IQCM: variants seen among roughly 807,000 people sequenced by gnomAD.
The protein encoded by IQCM is IQ motif containing M, also known as IQ domain-containing protein M.
In IQCM, 45 loss-of-function variants were observed where a neutral mutation model predicts 57.6. The observed-to-expected ratio is 0.78, with a 90% CI of 0.62 to 1.00. The LOEUF (loss-of-function observed/expected upper bound fraction) is 1.00, where lower values mean the gene tolerates loss of function less well. IQCM is among the 50% of genes least tolerant of loss of function. The pLI is 0.00. For synonymous variants in IQCM, 148 were observed against 158.9 expected, an observed-to-expected ratio of 0.93 and a Z score of 0.51; for missense variants, 468 against 511.6, an observed-to-expected ratio of 0.91 and a Z score of 0.82.
intron 8 of IQCM, among the ~76,000 whole-genome samples, chr4:149,595,305 T>C (rs1214146070): frequency 6.6e-6 from 1 of 152,150 alleles, no homozygotes; most frequent in East Asian, 1.9e-4. Context: ...TTCCATTTGC[T>C]TGGTAGATCT....
intron 2 of IQCM, among the ~76,000 whole-genome samples, chr4:149,790,919 G>T (rs558799840): frequency 6.6e-6 from 1 of 151,518 alleles, no homozygotes; most frequent in South Asian, 2.1e-4. Context: ...TTGTTTTACT[G>T]CCCTTGTAGT....
chr4:149,546,888 C>T (rs542265365), intron 12 of IQCM, among the ~76,000 whole-genome samples: 1 of 152,212 alleles, frequency 6.6e-6, no homozygotes, highest in South Asian at 2.1e-4. Context: ...GACATGAAGT[C>T]CTTGCCCATG....
intron 12 of IQCM, among the ~76,000 whole-genome samples, chr4:149,517,077 G>C (rs1745047379): frequency 7.8e-6 from 1 of 127,652 alleles, no homozygotes; most frequent in Non-Finnish European, 1.6e-5. Context: ...CAAATGACCA[G>C]ACCCTTCAGG....
intron 12 of IQCM, among the ~76,000 whole-genome samples, chr4:149,440,717 T>A (rs1735856788): frequency 1.3e-5 from 2 of 152,148 alleles, no homozygotes; most frequent in African/African-American, 4.8e-5. Flanking sequence ...CCTGATGGAT[T>A]TTTTGAAATG....
intron 12 of IQCM, among the ~76,000 whole-genome samples, chr4:149,439,140 T>C (rs891623960): frequency 4.6e-5 from 7 of 152,184 alleles, no homozygotes; most frequent in East Asian, 3.9e-4. Context: ...TGTTGATACA[T>C]ACCTTTATAA....
chr4:149,462,450 G>T (rs1738405447), intron 12 of IQCM, among the ~76,000 whole-genome samples: 1 of 152,160 alleles, frequency 6.6e-6, no homozygotes, highest in Non-Finnish European at 1.5e-5. Context: ...AACATAGGAG[G>T]TAGAGGATGG....
intron 13 of IQCM, among the ~76,000 whole-genome samples, chr4:149,428,965 TA>T (rs1734638625): frequency 6.6e-6 from 1 of 151,918 alleles, no homozygotes; most frequent in African/African-American, 2.4e-5. Flanking sequence ...GACAGTAATA[TA>T]ATAACACCAT....
intron 12 of IQCM, among the ~76,000 whole-genome samples, chr4:149,487,737 C>G (rs918753615): frequency 1.3e-5 from 2 of 152,132 alleles, no homozygotes; most frequent in African/African-American, 2.4e-5. Flanking sequence ...ATTGTAAAAT[C>G]CCCTAGTCAC....
intron 2 of IQCM, among the ~76,000 whole-genome samples, chr4:149,797,313 G>A (rs1166056314): frequency 2.0e-5 from 3 of 152,004 alleles, no homozygotes; most frequent in African/African-American, 4.8e-5. Flanking sequence ...TAGCAGAACT[G>A]ATCAAGCAGA....
intron 5 of IQCM, among the ~76,000 whole-genome samples, chr4:149,723,611 C>G (rs1300355165): frequency 3.3e-5 from 5 of 151,990 alleles, no homozygotes; most frequent in Non-Finnish European, 7.4e-5. Flanking sequence ...ACATATTGAA[C>G]CATCCCTGCA....
intron 13 of IQCM, among the ~76,000 whole-genome samples, chr4:149,358,727 A>T (rs1578782704): frequency 6.6e-6 from 1 of 151,074 alleles, no homozygotes; most frequent in African/African-American, 2.4e-5. Context: ...AAGTGAAATC[A>T]GTAAGCTTAG....
In IQCM at chr4:149,559,956, G is replaced by GA. The variant is rs1749962510; in HGVS notation, c.948+3735_948+3736insT. On this transcript the variant is annotated intron_variant, in intron 10 of 13. Transcript: ENST00000636793. ...TGAACTGCACATGCAGGGGATCCAG[G>GA]TTGTGTGCTCTTAATGAGAATCTAA... is the stretch of plus-strand genomic sequence containing the variant. Among the ~76,000 whole-genome samples the GA allele has an allele frequency of 3.3e-5, 5 of 152,304 alleles. No individual in the cohort carries two copies. In the East Asian group the frequency reaches 9.7e-4, roughly 29 times the overall value.
Position 149,357,234 on chromosome 4 carries a change from T to C in IQCM, c.1391-5168A>G, listed in dbSNP as rs561450062. The stretch of plus-strand genomic sequence containing the variant: ...CCTCTTTTCCTAATTTAATGCTCTT[T>C]ATTTCCTTCTCCTGCCTGACTGCTC... On this transcript the variant is annotated intron_variant, in intron 13 of 13. Transcript: ENST00000636793. 3.2e-4 allele frequency among the ~76,000 whole-genome samples: 48 copies of C among 152,314 alleles called. 1 individual carries two copies. The South Asian group carries it at 9.7e-3, about 31-fold the overall frequency.
At chr4:149,418,856 A>T (rs1733932645) in intron 13 of IQCM, among the ~76,000 whole-genome samples, 1 of 152,138 alleles carries the variant, frequency 6.6e-6, no homozygotes, top group African/African-American at 2.4e-5. Flanking sequence ...ACAACAGGCA[A>T]GCAGAGAAAC....
At chr4:149,444,532 C>A (rs1233510814) in intron 12 of IQCM, among the ~76,000 whole-genome samples, 1 of 151,842 alleles carries the variant, frequency 6.6e-6, no homozygotes, top group Non-Finnish European at 1.5e-5. Flanking sequence ...AGGCTCACAT[C>A]ATTTATAAAC....
chr4:149,730,146 A>G (rs999586131), intron 5 of IQCM, among the ~76,000 whole-genome samples: 2 of 152,170 alleles, frequency 1.3e-5, no homozygotes, highest in African/African-American at 2.4e-5. Flanking sequence ...ACCTGGCTTC[A>G]TGCTGCCACT....
intron 7 of IQCM, among the ~76,000 whole-genome samples, chr4:149,638,946 TC>T (rs1454199033): frequency 3.0e-5 from 2 of 65,848 alleles, no homozygotes; most frequent in Non-Finnish European, 5.8e-5. Flanking sequence ...TTTGCCTGCT[TC>T]TAAGTCCTAA....
intron 13 of IQCM, among the ~76,000 whole-genome samples, chr4:149,395,047 A>G (rs1732129939): frequency 6.6e-6 from 1 of 152,014 alleles, no homozygotes; most frequent in Non-Finnish European, 1.5e-5. Context: ...TAGCTAAGGG[A>G]ATAGGAAGAA....
intron 12 of IQCM, among the ~76,000 whole-genome samples, chr4:149,446,908 C>CGATGT (rs1736572673): frequency 1.3e-5 from 2 of 151,280 alleles, no homozygotes; most frequent in Non-Finnish European, 3.0e-5. Context: ...TGTTAACTCA[C>CGATGT]GATGTTAAAA....
Sources: gnomAD v4.1 joint callset for allele counts (sites outside exome capture counted in the v4.1 genomes callset) on GRCh38, gnomAD v4.1.1 for gene constraint, MANE v1.5 for transcripts, NCBI Gene and HGNC (gene_info 2026-07-23, HGNC 2026-07-21) for gene names.